Variants in PCDH11X observed in about 807,000 individuals in gnomAD.
PCDH11X encodes protocadherin 11 X-linked.
PCDH11X carries 18 observed loss-of-function variants against 53.3 expected under a neutral mutation model. The ratio of observed to expected loss-of-function variants is 0.34; its 90% CI spans 0.23 to 0.50. The LOEUF (loss-of-function observed/expected upper bound fraction) is 0.50. PCDH11X is among the 20% of genes least tolerant of loss of function. PCDH11X has a pLI of 0.98. For missense variants in PCDH11X, 570 were observed against 1,032.4 expected, an observed-to-expected ratio of 0.55 and a Z score of 6.14; for synonymous variants, 279 against 393.3, an observed-to-expected ratio of 0.71 and a Z score of 3.44.
intron 10 of PCDH11X, among the ~76,000 whole-genome samples, chrX:92,497,231 A>G (rs763267547): frequency 9.2e-6 from 1 of 109,252 alleles, no homozygotes; most frequent in Admixed American, 9.9e-5. Context: ...GGAATCTTTC[A>G]GGTCAGGTGA....
intron 6 of PCDH11X, among the ~76,000 whole-genome samples, chrX:92,132,285 CAAAAAAAAAAAAAAAAAAAA>C (rs778221916): frequency 1.1e-3 from 10 of 8,852 alleles, no homozygotes; most frequent in African/African-American, 2.6e-3. Context: ...ACCTCTGTCT[CAAAAAAAAAAAAAAAAAAAA>C]AAAAAAAAAA....
intron 1 of PCDH11X, among the ~76,000 whole-genome samples, chrX:91,789,159 G>A (rs1469792597): frequency 3.3e-4 from 29 of 87,625 alleles, no homozygotes; most frequent in African/African-American, 1.2e-3. Flanking sequence ...CCGAGATCGC[G>A]CCACTACACT....
intron 8 of PCDH11X, among the ~76,000 whole-genome samples, chrX:92,298,771 G>T (rs751038325): frequency 9.0e-6 from 1 of 110,837 alleles, no homozygotes; most frequent in East Asian, 2.9e-4. Flanking sequence ...CCAATAACAA[G>T]ATGCAGATGA....
intron 10 of PCDH11X, among the ~76,000 whole-genome samples, chrX:92,515,046 C>CA (rs1262977280): frequency 0.021 from 1,062 of 50,612 alleles, 63 homozygotes; most frequent in African/African-American, 0.071. Flanking sequence ...GATTCCACCT[C>CA]AAAAAAAAAA....
In PCDH11X at chrX:92,272,142, G is replaced by A. The variant is rs191734923; in HGVS notation, c.3144+8999G>A. Among the ~76,000 whole-genome samples, 828 of 111,507 alleles carry A rather than the reference G, an allele frequency of 7.4e-3. 9 individuals are homozygous for A. The highest frequency in any genetic ancestry group is 0.026 in the African/African-American group (788 of 30,745). On this transcript the variant is annotated intron_variant, in intron 8 of 10. Coordinates refer to ENST00000682573, the MANE Select transcript of PCDH11X (RefSeq NM_032968.5). ...TAGATGTCTGCTTTTTTTATCAAGG[G>A]CATTTATATTGGAAAGCTAAGAAAG...
intron 9 of PCDH11X, among the ~76,000 whole-genome samples, chrX:92,394,236 G>T (rs889558810): frequency 1.8e-5 from 2 of 111,574 alleles, no homozygotes; most frequent in African/African-American, 6.5e-5. Context: ...TTATTTGGGT[G>T]ACAGTCTCTA....
chrX:92,027,600 A>G (rs2062987422), intron 6 of PCDH11X, among the ~76,000 whole-genome samples: 1 of 108,049 alleles, frequency 9.3e-6, no homozygotes, highest in South Asian at 4.1e-4. Context: ...TCACCAATGC[A>G]TGAATATTAG....
chrX:92,559,716 G>A lies in PCDH11X; in HGVS notation c.3368-58548G>A, dbSNP rs1171417041. 1.7e-4 allele frequency among the ~76,000 whole-genome samples: 19 copies of A among 110,553 alleles called. No individual in the cohort carries two copies. The Admixed American group carries it at 1.8e-3, about 11-fold the overall frequency. ...CTGCCCTGTCATAGTGGAGAATGAAGCTGTGCTGGGCTTAGCCATCCCTTG... is the reference window on the plus strand; with the variant it reads ...CTGCCCTGTCATAGTGGAGAATGAAACTGTGCTGGGCTTAGCCATCCCTTG... On this transcript the variant is annotated intron_variant, in intron 10 of 10. Transcript: ENST00000682573.
intron 8 of PCDH11X, among the ~76,000 whole-genome samples, chrX:92,302,288 G>C (rs1257099247): frequency 9.0e-6 from 1 of 111,173 alleles, no homozygotes; most frequent in Non-Finnish European, 1.9e-5. Context: ...GTGTAACGGA[G>C]TTGTAGTCTT....
At chrX:92,052,819 C>T (rs2148049643) in intron 6 of PCDH11X, among the ~76,000 whole-genome samples, 1 of 106,711 alleles carries the variant, frequency 9.4e-6, no homozygotes, top group African/African-American at 3.4e-5. Flanking sequence ...TTAGCATTTT[C>T]CTCTCTAATA....
At position 92,098,636 on chromosome X, in the gene PCDH11X, C is replaced by CTTTTT. The variant is rs34306564; in HGVS notation, c.3034-102717_3034-102713dup. Among the ~76,000 whole-genome samples, 29 of 43,908 alleles carry CTTTTT rather than the reference C, an allele frequency of 6.6e-4. 4 individuals carry two copies. Among genetic ancestry groups the CTTTTT allele is most frequent in the African/African-American group, 2.5e-3 (26 of 10,318 alleles). The allele number at this position is 43,908 out of a possible 115,157, so 38.1% of individuals were successfully genotyped here. ...CTTGTCCAGTGAAGCTCCAAATGCT[C>CTTTTT]TTTTTTTTTTTTTTTTTTTTTTTTT... is the stretch of plus-strand genomic sequence containing the variant. On this transcript the variant is annotated intron_variant, in intron 6 of 10. Coordinates refer to ENST00000682573, the MANE Select transcript of PCDH11X (RefSeq NM_032968.5).
In PCDH11X at chrX:92,220,512, C is replaced by A. The variant is rs1299621696; in HGVS notation, c.3114+19057C>A. On this transcript the variant is annotated intron_variant, in intron 7 of 10. Coordinates refer to ENST00000682573, the MANE Select transcript of PCDH11X (RefSeq NM_032968.5). ...AACCACAATGAGATACCACCTCACA[C>A]CAGTTAGAAGGGCAATCATTAAAAA... 2.7e-5 allele frequency among the ~76,000 whole-genome samples: 3 copies of A among 109,580 alleles called. No homozygotes were observed. In the East Asian group the frequency reaches 8.8e-4, roughly 32 times the overall value.
chrX:92,503,488 A>G (rs1241902515), intron 10 of PCDH11X, among the ~76,000 whole-genome samples: 2 of 99,226 alleles, frequency 2.0e-5, no homozygotes, highest in African/African-American at 8.1e-5. Flanking sequence ...ACGCCCATCA[A>G]TGATAAACTA....
chrX:91,880,513 C>T, intron 6 of PCDH11X, among the ~76,000 whole-genome samples: 1 of 111,378 alleles, frequency 9.0e-6, no homozygotes, highest in Non-Finnish European at 1.9e-5. Context: ...GAATGGAGGT[C>T]ATTCAAGCAT....
intron 6 of PCDH11X, among the ~76,000 whole-genome samples, chrX:92,016,551 C>T (rs947130166): frequency 2.5e-4 from 27 of 106,725 alleles, no homozygotes; most frequent in African/African-American, 8.2e-4. Flanking sequence ...GAGATGGCTT[C>T]TTTCCTTAAA....
chrX:92,020,390 G>C (rs1056228677), intron 6 of PCDH11X, among the ~76,000 whole-genome samples: 36 of 112,121 alleles, frequency 3.2e-4, no homozygotes, highest in Non-Finnish European at 6.2e-4. Flanking sequence ...GGTCCCAAGA[G>C]GTATCCCCCA....
At chrX:91,882,841 T>C (rs1939976214) in intron 6 of PCDH11X, 5 of 1,168,106 alleles carry the variant, frequency 4.3e-6, no homozygotes, top group Non-Finnish European at 5.8e-6. Flanking sequence ...TGAAGCATGC[T>C]TGGCAAATGA....
intron 10 of PCDH11X, among the ~76,000 whole-genome samples, chrX:92,519,452 G>A (rs1469099463): frequency 1.9e-5 from 2 of 105,249 alleles, no homozygotes; most frequent in Non-Finnish European, 3.9e-5. Context: ...TTCTGGCAAC[G>A]TACTTAAGTA....
At chrX:92,105,837 TTTAG>T (rs2064372885) in intron 6 of PCDH11X, among the ~76,000 whole-genome samples, 1 of 111,669 alleles carries the variant, frequency 9.0e-6, no homozygotes, top group East Asian at 2.8e-4. Flanking sequence ...TTTGTGATTC[TTTAG>T]TTAGTTCAGG....
Sources: gnomAD v4.1 joint callset for allele counts (sites outside exome capture counted in the v4.1 genomes callset) on GRCh38, gnomAD v4.1.1 for gene constraint, MANE v1.5 for transcripts, NCBI Gene and HGNC (gene_info 2026-07-23, HGNC 2026-07-21) for gene names.